TCF20: variants seen among roughly 807,000 people sequenced by gnomAD.
TCF20 encodes the protein SPRE-binding protein.
TCF20 carries 3 observed loss-of-function variants against 148.6 expected under a neutral mutation model. The observed-to-expected ratio is 0.02, with a 90% CI of 0.01 to 0.05. The LOEUF (loss-of-function observed/expected upper bound fraction) is 0.05. TCF20 is among the 10% of genes least tolerant of loss of function. TCF20 has a pLI of 1.00. For synonymous variants in TCF20, 1,049 were observed against 909.5 expected, an observed-to-expected ratio of 1.15 and a Z score of -2.76; for missense variants, 2,350 against 2,429.3, an observed-to-expected ratio of 0.97 and a Z score of 0.69.
At position 42,279,515 on chromosome 22, in the gene TCF20, A is replaced by T. The variant is rs1261471974; in HGVS notation, c.-37+4312T>A. On this transcript the variant is annotated intron_variant, in intron 1 of 5. Transcript: ENST00000359486. This position sits in a 1 kb window ranked among gnomAD's most constrained non-coding sequence, Gnocchi z 4.3. ...ATAAGGAAGGACAGAGGGCAATGTG[A>T]CCTTCGGCAAGCTCCCTAAGCTCCT... Among the ~76,000 whole-genome samples the T allele has an allele frequency of 3.9e-5, 6 of 152,128 alleles. No homozygotes were observed. Among genetic ancestry groups the T allele is most frequent in the African/African-American group, 7.2e-5 (3 of 41,424 alleles).
intron 2 of TCF20, among the ~76,000 whole-genome samples, chr22:42,183,514 T>G (rs2899355): frequency 1.3e-5 from 2 of 151,992 alleles, no homozygotes; most frequent in Non-Finnish European, 2.9e-5. Flanking sequence ...GCCTGGAAGA[T>G]GGGAGAAGGG....
At chr22:42,162,142 G>A (rs1002137485) in intron 5 of TCF20, among the ~76,000 whole-genome samples, 6 of 151,724 alleles carry the variant, frequency 4.0e-5, no homozygotes, top group African/African-American at 7.3e-5. Flanking sequence ...CACCACACCC[G>A]GCTAATTTTT....
chr22:42,282,756 G>C (rs558392942), intron 1 of TCF20, among the ~76,000 whole-genome samples: 4 of 152,186 alleles, frequency 2.6e-5, no homozygotes, highest in Non-Finnish European at 5.9e-5. Flanking sequence ...GGCCTCCTCC[G>C]GGGTGAGCTG....
At chr22:42,186,151 C>G (rs1453997496) in intron 2 of TCF20, among the ~76,000 whole-genome samples, 1 of 152,176 alleles carries the variant, frequency 6.6e-6, no homozygotes, top group Non-Finnish European at 1.5e-5. Flanking sequence ...GTACTTAAGA[C>G]AAAAGTTCCA....
At chr22:42,220,779 G>A (rs1015268700) in intron 1 of TCF20, among the ~76,000 whole-genome samples, 2 of 152,094 alleles carry the variant, frequency 1.3e-5, no homozygotes, top group African/African-American at 2.4e-5. Flanking sequence ...CTCCCACCCC[G>A]AGGTTACTGA....
chr22:42,210,502 C>T lies in TCF20; in HGVS notation c.4804G>A (p.Val1602Ile). ...QPRKRKTKQAVPIVEPQEPEI... is the reference protein window; with the variant it reads ...QPRKRKTKQAIPIVEPQEPEI... ...GGTTCTTGGGGTTCCACAATGGGAA[C>T]TGCTTGTTTGGTTTTTCGCTTCCTC... Residue 1602 changes from valine (V) to isoleucine (I), a missense_variant, in exon 2 of 6, where the codon GTT (valine) becomes ATT (isoleucine). Transcript: ENST00000677622. This position sits in a 1 kb window ranked among gnomAD's most constrained non-coding sequence, Gnocchi z 4.7. 1.2e-6 allele frequency: 2 copies of T among 1,614,204 alleles called. No homozygotes were observed. Among genetic ancestry groups the T allele is most frequent in the Non-Finnish European group, 1.7e-6 (2 of 1,180,036 alleles).
chr22:42,211,073 C>T lies in TCF20; in HGVS notation c.4233G>A (p.Glu1411=). The T allele has an allele frequency of 1.2e-6, 2 of 1,614,166 alleles. No individual in the cohort carries two copies. The highest frequency in any genetic ancestry group is 1.7e-5 in the Admixed American group (1 of 60,018). ...CTGGACTGACTAGGTCCGAAGCCAC[C>T]TCACCTTTTCTCTTCTCTATGTCAG... The part of the protein sequence containing the change: ...QDADIEKRKG[E]VASDLVSPAN... The change falls in exon 2 of 6, where the codon GAG becomes GAA. Residue 1411 remains glutamate (E), a synonymous_variant. Coordinates refer to ENST00000677622, the MANE Select transcript of TCF20 (RefSeq NM_001378418.1).
At chr22:42,194,793 C>T (rs1468226578) in intron 2 of TCF20, among the ~76,000 whole-genome samples, 1 of 151,950 alleles carries the variant, frequency 6.6e-6, no homozygotes, top group Non-Finnish European at 1.5e-5. Flanking sequence ...TCAAACCCCC[C>T]AAGTCACTCT....
chr22:42,311,746 C>T (rs967798085), intron 1 of TCF20, among the ~76,000 whole-genome samples: 2 of 152,196 alleles, frequency 1.3e-5, no homozygotes, highest in Non-Finnish European at 2.9e-5. Context: ...AAGAAAAGTG[C>T]AATCCCGGGC....
chr22:42,162,323 C>G (rs926287166), intron 5 of TCF20, among the ~76,000 whole-genome samples: 1 of 152,094 alleles, frequency 6.6e-6, no homozygotes, highest in Non-Finnish European at 1.5e-5. Flanking sequence ...CCCATGGCCT[C>G]TAACAGGGAG....
chr22:42,291,261 A>C (rs1339420803), intron 1 of TCF20, among the ~76,000 whole-genome samples: 1 of 152,208 alleles, frequency 6.6e-6, no homozygotes, highest in African/African-American at 2.4e-5. Context: ...GGTGGAAAGG[A>C]AAGTAAGTAA....
At chr22:42,305,763 T>G (rs1927419782) in intron 1 of TCF20, among the ~76,000 whole-genome samples, 1 of 151,814 alleles carries the variant, frequency 6.6e-6, no homozygotes, top group Non-Finnish European at 1.5e-5. Context: ...GCCACCTGCC[T>G]CCCCCGTGGC....
intron 1 of TCF20, among the ~76,000 whole-genome samples, chr22:42,246,195 T>A (rs1924889594): frequency 6.6e-6 from 1 of 152,230 alleles, no homozygotes; most frequent in Non-Finnish European, 1.5e-5. Context: ...AACCTCCACC[T>A]ACCAGGTTCA....
chr22:42,212,879 C>T lies in TCF20; in HGVS notation c.2427G>A (p.Gly809=), dbSNP rs149335938. The T allele has an allele frequency of 6.2e-7, 1 of 1,614,132 alleles. No individual in the cohort carries two copies. The highest frequency in any genetic ancestry group is 8.5e-7 in the Non-Finnish European group (1 of 1,180,028). Residue 809 remains glycine (G), a synonymous_variant, in exon 2 of 6, where the codon GGG becomes GGA. Coordinates refer to ENST00000677622, the MANE Select transcript of TCF20 (RefSeq NM_001378418.1). The stretch of plus-strand genomic sequence containing the variant: ...CCCAGTGGGGATTTTCTAATAGAGA[C>T]CCAATGCTTTTGTTCAGAAGGCCCC... ...ASRGLLNKSI[G]SLLENPHWGP... is the part of the protein sequence containing the mutation.
intron 2 of TCF20, among the ~76,000 whole-genome samples, chr22:42,197,226 A>G (rs1463813490): frequency 6.6e-6 from 1 of 152,182 alleles, no homozygotes; most frequent in Non-Finnish European, 1.5e-5. Context: ...GCTTCCAGGA[A>G]TAGTTTAGCC....
At chr22:42,284,869 C>A (rs182606127), upstream of TCF20, among the ~76,000 whole-genome samples, 30 of 152,356 alleles carry the variant, frequency 2.0e-4, no homozygotes, top group African/African-American at 6.7e-4. Context: ...CACCAACGCC[C>A]CGTGTCAAGA....
chr22:42,206,966 A>G (rs1938428210), intron 2 of TCF20, among the ~76,000 whole-genome samples: 1 of 152,148 alleles, frequency 6.6e-6, no homozygotes, highest in Admixed American at 6.5e-5. Context: ...TGGAAACATG[A>G]GAGATGAAGT....
intron 1 of TCF20, among the ~76,000 whole-genome samples, chr22:42,261,120 T>A (rs576285594): frequency 6.6e-6 from 1 of 152,346 alleles, no homozygotes; most frequent in African/African-American, 2.4e-5. Flanking sequence ...TACATATGAT[T>A]TTTGGTTTTT....
chr22:42,214,406 A>T lies in TCF20; in HGVS notation c.900T>A (p.Phe300Leu). The T allele has an allele frequency of 6.2e-7, 1 of 1,614,058 alleles. No individual in the cohort carries two copies. The highest frequency in any genetic ancestry group is 8.5e-7 in the Non-Finnish European group (1 of 1,180,004). ...YSYQPQSMKNFEQAKIPQGTQ... is the reference protein window; with the variant it reads ...YSYQPQSMKNLEQAKIPQGTQ... ...TCCCTTGTGGAATCTTTGCCTGTTC[A>T]AAATTCTTCATAGATTGAGGCTGAT... Residue 300 changes from phenylalanine to leucine, a missense_variant, in exon 2 of 6, where the codon TTT becomes TTA. Coordinates refer to ENST00000677622, the MANE Select transcript of TCF20 (RefSeq NM_001378418.1).
Sources: gnomAD v4.1 joint callset for allele counts (sites outside exome capture counted in the v4.1 genomes callset) on GRCh38, gnomAD v4.1.1 for gene constraint, Gnocchi (gnomAD v3.1) non-coding constraint, MANE v1.5 for transcripts, NCBI Gene and HGNC (gene_info 2026-07-23, HGNC 2026-07-21) for gene names.